Variants in MYH13 observed in about 807,000 individuals in gnomAD.
MYH13 encodes the protein myosin-13.
A neutral mutation model predicts 232.1 loss-of-function variants in MYH13; 177 were observed. That is an observed-to-expected ratio of 0.76 (90% CI 0.67 to 0.86). The LOEUF (loss-of-function observed/expected upper bound fraction) is 0.86. Among genes scored for constraint, MYH13 ranks in the 40% least tolerant of loss-of-function variants. The probability of loss-of-function intolerance (pLI) is 0.00; values close to 1 mark genes in which losing one functional copy is unlikely to be tolerated. For synonymous variants in MYH13, 884 were observed against 923.5 expected (o/e 0.96, Z 0.78); for missense variants, 2,246 against 2,405.9 (o/e 0.93, Z 1.39).
rs549429260 is a variant in MYH13 at position 10,309,168 on chromosome 17, G to A, written c.5169+66C>T. ...GAGTGGAGGGATAGCGGAAGCAGCTGCACGGTGCAGGAGGCGCTATCTGCC... is the reference window on the plus strand; with the variant it reads ...GAGTGGAGGGATAGCGGAAGCAGCTACACGGTGCAGGAGGCGCTATCTGCC... On this transcript the variant is annotated intron_variant, in intron 35 of 40. Coordinates refer to ENST00000252172, the MANE Select transcript of MYH13 (RefSeq NM_003802.3). The A allele has an allele frequency of 4.0e-6, 6 of 1,492,510 alleles. No homozygotes were observed. The African/African-American group carries it at 6.9e-5, about 17-fold the overall frequency. The allele number at this position is 1,492,510 out of a possible 1,614,324, so 92.5% of individuals were successfully genotyped here. A position where few individuals can be genotyped will look rare whatever the true frequency, so the allele number is the denominator to read the frequency against.
In MYH13 at chr17:10,358,985, A is replaced by G. The variant is rs543939557; in HGVS notation, c.645+975T>C. Among the ~76,000 whole-genome samples, 383 of 152,374 alleles carry G rather than the reference A, an allele frequency of 2.5e-3. 5 individuals carry two copies. The highest frequency in any genetic ancestry group is 8.9e-3 in the African/African-American group (372 of 41,592). On this transcript the variant is annotated intron_variant, in intron 7 of 40. Coordinates refer to ENST00000252172, the MANE Select transcript of MYH13 (RefSeq NM_003802.3). The stretch of plus-strand genomic sequence containing the variant: ...GGTGATGGAGCTGGTGCTAGAACTC[A>G]AGTCCATTCTGGTGGAACCACTTCC...
chr17:10,336,686 C>T (rs1427842481), intron 18 of MYH13, among the ~76,000 whole-genome samples: 2 of 152,168 alleles, frequency 1.3e-5, no homozygotes, highest in African/African-American at 4.8e-5. Flanking sequence ...CTCAGGGCCC[C>T]AGGTACCGGC....
At chr17:10,343,513 A>G (rs2071635875) in intron 16 of MYH13, among the ~76,000 whole-genome samples, 2 of 152,160 alleles carry the variant, frequency 1.3e-5, no homozygotes, top group Non-Finnish European at 2.9e-5. Flanking sequence ...ACCACTAAAT[A>G]GATTTAAGGG....
At position 10,312,630 on chromosome 17, in the gene MYH13, C is replaced by T. The variant is rs1045888895; in HGVS notation, c.4309G>A (p.Glu1437Lys). The part of the protein sequence containing the change: ...GEVEDLMRDL[E>K]RSHTACATLD... Reference sequence around the variant, plus strand: ...GTGGCACAGGCGGTGTGGGAGCGCTCCAGATCCCGCATCAGATCCTCCACC... The same window carrying T: ...GTGGCACAGGCGGTGTGGGAGCGCTTCAGATCCCGCATCAGATCCTCCACC... Residue 1437 changes from glutamate (E) to lysine (K), a missense_variant, in exon 31 of 41, where the codon GAG (glutamate) becomes AAG (lysine). Glu to Lys is a moderately conservative substitution (Grantham distance 56). Coordinates refer to ENST00000252172, the MANE Select transcript of MYH13 (RefSeq NM_003802.3). The T allele has an allele frequency of 3.1e-6, 5 of 1,613,268 alleles. No individual in the cohort carries two copies. In the African/African-American group the frequency reaches 4.0e-5, roughly 13 times the overall value.
rs758917055 is a variant in MYH13, at chr17:10,303,481, A to G, written c.5484T>C (p.Asn1828=). 35 of 1,613,662 alleles carry G rather than the reference A, an allele frequency of 2.2e-5. No individual in the cohort carries two copies. The highest frequency in any genetic ancestry group is 1.8e-4 in the Admixed American group (11 of 59,956). ...KLENRVRELE[N]ELDVEQKRGA... is the part of the protein sequence containing the mutation. ...CCCTCTTCTGTTCCACATCAAGCTC[A>G]TTTTCCAGCTCCCGCACCTGAGTAG... Residue 1828 remains asparagine (N), a synonymous_variant, in exon 38 of 41, where the codon AAT becomes AAC. Transcript: ENST00000252172.
At chr17:10,338,780 A>C (rs1472327698) in intron 18 of MYH13, among the ~76,000 whole-genome samples, 2 of 148,910 alleles carry the variant, frequency 1.3e-5, no homozygotes, top group Non-Finnish European at 3.0e-5. Flanking sequence ...GGCTCACTGC[A>C]AGCTCCGTCT....
Position 10,323,940 on chromosome 17 carries a change from C to T in MYH13, c.2934+82G>A, listed in dbSNP as rs898117463. The T allele has an allele frequency of 6.5e-6, 10 of 1,548,010 alleles. No individual in the cohort carries two copies. In the African/African-American group the frequency reaches 8.2e-5, roughly 13 times the overall value. On this transcript the variant is annotated intron_variant, in intron 23 of 40. Transcript: ENST00000252172. ...TGGGCAATGTTATATTGACTGGACT[C>T]CTACGCCACCCTTTCTCCTCCTTAC...
At chr17:10,320,580 TG>T in intron 24 of MYH13, 84 bp from the exon 25 acceptor site, 1 of 1,410,032 alleles carries the variant, frequency 7.1e-7, no homozygotes. Context: ...ACACGTGGCC[TG>T]GGGCTTCCTG....
Position 10,345,380 on chromosome 17 carries a change from A to T in MYH13, c.1414-8T>A, listed in dbSNP as rs761797971. ...CTGCTCCAGGCTGTTGAACTGGGTG[A>T]TTCAAATACCAAAGAATTTGAGTGA... On this transcript the variant is annotated splice_polypyrimidine_tract_variant and splice_region_variant and intron_variant, in intron 14 of 40. Coordinates refer to ENST00000252172, the MANE Select transcript of MYH13 (RefSeq NM_003802.3). 17 of 1,614,124 alleles carry T rather than the reference A, an allele frequency of 1.1e-5. No individual in the cohort carries two copies. In the East Asian group the frequency reaches 3.8e-4, roughly 36 times the overall value.
chr17:10,337,431 T>A (rs2071583278), intron 18 of MYH13, among the ~76,000 whole-genome samples: 1 of 152,092 alleles, frequency 6.6e-6, no homozygotes, highest in Non-Finnish European at 1.5e-5. Context: ...AGAGGACCTG[T>A]GCCCGTGAAG....
chr17:10,312,769 A>C lies in MYH13; in HGVS notation c.4182-12T>G. 1 of 1,597,582 alleles carries C rather than the reference A, an allele frequency of 6.3e-7. No individual in the cohort carries two copies. Among genetic ancestry groups the C allele is most frequent in the Admixed American group, 1.8e-5 (1 of 55,922 alleles). On this transcript the variant is annotated splice_polypyrimidine_tract_variant and intron_variant, in intron 30 of 40. Coordinates refer to ENST00000252172, the MANE Select transcript of MYH13 (RefSeq NM_003802.3). ...GGGCCAGTTTTTTCCTACGAAAACC[A>C]GATTTTTTTTTTCCCCTTCGCAAAG...
chr17:10,312,723 C>T lies in MYH13; in HGVS notation c.4216G>A (p.Glu1406Lys). ...TTGGAGTTCGCCGTCTCCGTGTTCTCCTCTGCTTCCTGGAGCCTCTGGGCC... is the reference window on the plus strand; with the variant it reads ...TTGGAGTTCGCCGTCTCCGTGTTCTTCTCTGCTTCCTGGAGCCTCTGGGCC... ...KLAQRLQEAE[E>K]NTETANSKCA... The change falls in exon 31 of 41, where the codon GAG (glutamate) becomes AAG (lysine). Residue 1406 changes from glutamate (E) to lysine (K), a missense_variant. Glu to Lys is a moderately conservative substitution (Grantham distance 56). Transcript: ENST00000252172. 6.2e-7 allele frequency: 1 copy of T among 1,613,508 alleles called. No homozygotes were observed. Among genetic ancestry groups the T allele is most frequent in the African/African-American group, 1.3e-5 (1 of 74,998 alleles).
At position 10,345,310 on chromosome 17, in the gene MYH13, G is replaced by T. The variant is rs1293745015; in HGVS notation, c.1476C>A (p.Asn492Lys). The T allele has an allele frequency of 1.2e-6, 2 of 1,614,204 alleles. No individual in the cohort carries two copies. The highest frequency in any genetic ancestry group is 1.7e-6 in the Non-Finnish European group (2 of 1,180,038). Residue 492 changes from asparagine to lysine, a missense_variant, in exon 15 of 41, where the codon AAC (asparagine) becomes AAA (lysine). Physicochemically the swap from Asn to Lys is moderately conservative, Grantham distance 94 (BLOSUM62 0). Coordinates refer to ENST00000252172, the MANE Select transcript of MYH13 (RefSeq NM_003802.3). Reference protein sequence around the residue: ...FTNEKLQQFFNHHMFVLEQEE... With the variant: ...FTNEKLQQFFKHHMFVLEQEE... Reference sequence around the variant, plus strand: ...CCTGCTCCAGCACGAACATGTGGTGGTTGAAAAACTGTTGCAGTTTCTCAT... The same window carrying T: ...CCTGCTCCAGCACGAACATGTGGTGTTTGAAAAACTGTTGCAGTTTCTCAT...
intron 11 of MYH13, among the ~76,000 whole-genome samples, chr17:10,353,756 C>T (rs926342918): frequency 6.6e-6 from 1 of 152,044 alleles, no homozygotes; most frequent in East Asian, 1.9e-4. Context: ...CCTTGTAGTT[C>T]CAGCTACTTG....
chr17:10,321,674 T>G lies in MYH13; in HGVS notation c.2969A>C (p.Glu990Ala). ...KNLSEEMTAL[E>A]ENISKLTKEK... The stretch of plus-strand genomic sequence containing the variant: ...TTTGGTCAATTTGGAAATGTTTTCT[T>G]CAAGTGCTGTCATTTCTTCGGAAAG... The change falls in exon 24 of 41, where the codon GAA becomes GCA. Residue 990 changes from glutamate (E) to alanine (A), a missense_variant. Coordinates refer to ENST00000252172, the MANE Select transcript of MYH13 (RefSeq NM_003802.3). The G allele has an allele frequency of 6.2e-7, 1 of 1,613,528 alleles. No individual in the cohort carries two copies. Among genetic ancestry groups the G allele is most frequent in the Non-Finnish European group, 8.5e-7 (1 of 1,179,746 alleles).
intron 27 of MYH13, 43 bp downstream of exon 27, chr17:10,318,747 G>C: frequency 6.2e-7 from 1 of 1,607,940 alleles, no homozygotes. Context: ...GGTGGCCGTC[G>C]GCTGCCTTGC....
intron 35 of MYH13, 113 bp downstream of exon 35, chr17:10,309,121 T>C: frequency 8.9e-7 from 1 of 1,124,306 alleles, no homozygotes; most frequent in Non-Finnish European, 1.2e-6. Flanking sequence ...AACCGGGTGC[T>C]CCTTCCCACG....
chr17:10,364,645 C>T (rs1200216866), intron 2 of MYH13, 103 bp from the exon 3 acceptor site: 2 of 1,018,888 alleles, frequency 2.0e-6, no homozygotes, highest in African/African-American at 1.6e-5. Flanking sequence ...TTCAAAGGCT[C>T]CTAGATTGAA....
Position 10,316,008 on chromosome 17 carries a change from C to T in MYH13, c.3756G>A (p.Thr1252=), listed in dbSNP as rs779849348. ...TAAATTGATCTTCTACCGTCCGGCACGTTCTTTCTATGTTACTCTTTAACA... is the reference window on the plus strand; with the variant it reads ...TAAATTGATCTTCTACCGTCCGGCATGTTCTTTCTATGTTACTCTTTAACA... ...LSKSKSNIER[T]CRTVEDQFSE... Residue 1252 remains threonine (T), a synonymous_variant, in exon 28 of 41, where the codon ACG becomes ACA. Coordinates refer to ENST00000252172, the MANE Select transcript of MYH13 (RefSeq NM_003802.3). 22 of 1,613,888 alleles carry T rather than the reference C, an allele frequency of 1.4e-5. No homozygotes were observed. The highest frequency in any genetic ancestry group is 3.3e-5 in the Admixed American group (2 of 60,000).
Sources: allele counts gnomAD v4.1 joint callset (sites outside exome capture counted in the v4.1 genomes callset), GRCh38; gene constraint gnomAD v4.1.1; transcripts MANE v1.5; gene names NCBI Gene and HGNC (gene_info 2026-07-23, HGNC 2026-07-21).